ZBTB20: variants seen among roughly 807,000 people sequenced by gnomAD.
The protein encoded by ZBTB20 is zinc finger and BTB domain-containing protein 20.
Under a neutral mutation model 56.9 loss-of-function variants are expected in ZBTB20, and 9 were observed. The ratio of observed to expected loss-of-function variants is 0.16; its 90% CI spans 0.10 to 0.28. The LOEUF (loss-of-function observed/expected upper bound fraction) is 0.28. Among genes scored for constraint, ZBTB20 ranks in the 10% least tolerant of loss-of-function variants. ZBTB20 has a pLI of 1.00. For missense variants in ZBTB20, 655 were observed against 1,003.0 expected (o/e 0.65, Z 4.69); for synonymous variants, 417 against 420.7 (o/e 0.99, Z 0.11).
At chr3:114,382,622 C>T (rs534113705) in intron 8 of ZBTB20, among the ~76,000 whole-genome samples, 3 of 152,302 alleles carry the variant, frequency 2.0e-5, no homozygotes, top group Admixed American at 6.5e-5. Context: ...TAGGACTTCA[C>T]TCCCCACAGT....
At chr3:114,909,221 A>T (rs2075433862) in intron 3 of ZBTB20, among the ~76,000 whole-genome samples, 1 of 152,018 alleles carries the variant, frequency 6.6e-6, no homozygotes, top group Admixed American at 6.6e-5. Flanking sequence ...GACCCTGTGT[A>T]GACCTGGCTA....
intron 6 of ZBTB20, chr3:114,527,280 A>G (rs1404949575): frequency 6.6e-6 from 1 of 152,358 alleles, no homozygotes; most frequent in Admixed American, 6.5e-5. Flanking sequence ...GGCAAATCTT[A>G]GGGAGCAGAA....
intron 4 of ZBTB20, among the ~76,000 whole-genome samples, chr3:114,836,014 C>A (rs2074103699): frequency 6.6e-6 from 1 of 152,114 alleles, no homozygotes; most frequent in Admixed American, 6.6e-5. Flanking sequence ...TCAAATGCCC[C>A]ACTGCACTTA....
At chr3:114,868,074 C>G (rs1420833990) in intron 4 of ZBTB20, among the ~76,000 whole-genome samples, 3 of 152,124 alleles carry the variant, frequency 2.0e-5, no homozygotes, top group Admixed American at 2.0e-4. Context: ...TTTCTCCCAT[C>G]ATCTAAGCTA....
At chr3:114,707,600 C>T (rs1017748508) in intron 5 of ZBTB20, among the ~76,000 whole-genome samples, 43 of 152,324 alleles carry the variant, frequency 2.8e-4, no homozygotes, top group Middle Eastern at 3.4e-3. Flanking sequence ...AAAGCTACCA[C>T]ATGAAGGACC....
At chr3:114,586,145 C>CTAGAA (rs2055154058) in intron 6 of ZBTB20, among the ~76,000 whole-genome samples, 1 of 152,136 alleles carries the variant, frequency 6.6e-6, no homozygotes, top group African/African-American at 2.4e-5. Context: ...GAAATGGTTC[C>CTAGAA]TCCATGTTTA....
intron 4 of ZBTB20, among the ~76,000 whole-genome samples, chr3:114,850,212 T>A (rs1214372943): frequency 2.6e-5 from 4 of 152,122 alleles, no homozygotes; most frequent in Non-Finnish European, 5.9e-5. Context: ...AATCAGGAAA[T>A]CTTTCCCAAA....
Position 114,350,525 on chromosome 3 carries a change from C to G in ZBTB20, c.1553G>C (p.Gly518Ala). 6.2e-7 allele frequency: 1 copy of G among 1,614,106 alleles called. No homozygotes were observed. The highest frequency in any genetic ancestry group is 8.5e-7 in the Non-Finnish European group (1 of 1,180,018). Reference protein sequence around the residue: ...LPALFTTQPAGSGPKPFLFSL... With the variant: ...LPALFTTQPAASGPKPFLFSL... ...GAAGAGGAAAGGCTTGGGGCCACTG[C>G]CCGCGGGCTGGGTAGTGAAGAGGGC... Residue 518 changes from glycine (G) to alanine (A), a missense_variant, in exon 11 of 12, where the codon GGC becomes GCC. By Grantham distance (60) the Gly-to-Ala change is moderately conservative. Coordinates refer to ENST00000675478, the MANE Select transcript of ZBTB20 (RefSeq NM_001348800.3).
chr3:114,400,008 G>A (rs1391143306), intron 7 of ZBTB20, among the ~76,000 whole-genome samples: 5 of 152,050 alleles, frequency 3.3e-5, no homozygotes, highest in Non-Finnish European at 7.4e-5. Flanking sequence ...CAGTTTAAGC[G>A]GGCTAGCTAA....
At chr3:114,562,685 G>C (rs2052224541) in intron 6 of ZBTB20, among the ~76,000 whole-genome samples, 3 of 152,160 alleles carry the variant, frequency 2.0e-5, no homozygotes, top group Admixed American at 2.0e-4. Context: ...TTTAAAGTGA[G>C]AGATAACGTG....
At chr3:115,081,875 G>A (rs551873331) in intron 1 of ZBTB20, among the ~76,000 whole-genome samples, 70 of 152,142 alleles carry the variant, frequency 4.6e-4, no homozygotes, top group African/African-American at 1.4e-3. Context: ...CTTTAGACAC[G>A]GAATACACCA....
chr3:115,125,566 T>C (rs1471790675), intron 1 of ZBTB20, among the ~76,000 whole-genome samples: 2 of 151,960 alleles, frequency 1.3e-5, no homozygotes, highest in Non-Finnish European at 2.9e-5. Flanking sequence ...TACCAGGAGA[T>C]GGTGGGTGGG....
intron 6 of ZBTB20, among the ~76,000 whole-genome samples, chr3:114,514,014 A>G (rs145593648): frequency 5.4e-4 from 82 of 152,224 alleles, no homozygotes; most frequent in African/African-American, 1.9e-3. Context: ...ATGTATGTAT[A>G]TATAACAGAT....
intron 7 of ZBTB20, among the ~76,000 whole-genome samples, chr3:114,489,044 T>C (rs769237571): frequency 2.0e-5 from 3 of 152,174 alleles, no homozygotes; most frequent in Non-Finnish European, 2.9e-5. Flanking sequence ...TATGGAAATA[T>C]AATATTTCCT....
chr3:115,004,745 T>G (rs2079397126), intron 2 of ZBTB20, among the ~76,000 whole-genome samples: 1 of 151,748 alleles, frequency 6.6e-6, no homozygotes, highest in Non-Finnish European at 1.5e-5. Flanking sequence ...TATAATATAA[T>G]TTTGGATTAA....
intron 7 of ZBTB20, among the ~76,000 whole-genome samples, chr3:114,484,129 C>A (rs1577022656): frequency 6.6e-6 from 1 of 152,100 alleles, no homozygotes; most frequent in South Asian, 2.1e-4. Flanking sequence ...GAAACATGGG[C>A]AGACAGATTA....
chr3:114,349,833 AC>A (rs1392520763), intron 11 of ZBTB20, among the ~76,000 whole-genome samples: 2 of 152,226 alleles, frequency 1.3e-5, no homozygotes, highest in Admixed American at 6.5e-5. Flanking sequence ...CATTTTATAC[AC>A]AAGGAAACTG....
intron 6 of ZBTB20, among the ~76,000 whole-genome samples, chr3:114,509,465 C>T (rs2045067944): frequency 6.7e-6 from 1 of 148,886 alleles, no homozygotes; most frequent in African/African-American, 2.5e-5. Context: ...AAATTCCGTC[C>T]TAGATGCTTC....
chr3:114,433,034 A>T lies in ZBTB20; in HGVS notation c.-254-43929T>A, dbSNP rs140231057. ...GTGCTGGGATGCCAAAGCTTCTTCA[A>T]TCTGACATTATGAATCTGTTATTAT... On this transcript the variant is annotated intron_variant, in intron 7 of 11. Transcript: ENST00000675478. Among the ~76,000 whole-genome samples the T allele has an allele frequency of 5.0e-3, 759 of 152,320 alleles. 2 individuals are homozygous for T. The highest frequency in any genetic ancestry group is 0.02 in the Middle Eastern group (6 of 294).
Sources: allele counts gnomAD v4.1 joint callset (sites outside exome capture counted in the v4.1 genomes callset), GRCh38; gene constraint gnomAD v4.1.1; transcripts MANE v1.5; gene names NCBI Gene and HGNC (gene_info 2026-07-23, HGNC 2026-07-21).